Variants in DNER observed in about 807,000 individuals in gnomAD.
The protein encoded by DNER is delta/notch like EGF repeat containing, also known as delta and Notch-like epidermal growth factor-related receptor.
Under a neutral mutation model 78.2 loss-of-function variants are expected in DNER, and 33 were observed. The observed-to-expected ratio is 0.42, with a 90% CI of 0.32 to 0.56. The LOEUF is 0.56. Among genes scored for constraint, DNER ranks in the 20% least tolerant of loss-of-function variants. The pLI is 0.11. For synonymous variants in DNER, 417 were observed against 384.8 expected (o/e 1.08, Z -0.98); for missense variants, 918 against 975.3 (o/e 0.94, Z 0.78).
At chr2:229,546,507 G>A (rs914922210) in intron 5 of DNER, among the ~76,000 whole-genome samples, 9 of 152,322 alleles carry the variant, frequency 5.9e-5, no homozygotes, top group East Asian at 1.9e-4. Flanking sequence ...AGGCCAAGGC[G>A]GGGGGATGGC....
chr2:229,509,766 G>T (rs1359485221), intron 6 of DNER, among the ~76,000 whole-genome samples: 3 of 152,152 alleles, frequency 2.0e-5, no homozygotes, highest in Non-Finnish European at 2.9e-5. Context: ...AGTGAGCCGA[G>T]ATCATGCCAC....
chr2:229,684,130 GTGTGTC>G (rs1559208244), intron 1 of DNER, among the ~76,000 whole-genome samples: 1,847 of 122,238 alleles, frequency 0.015, 42 homozygotes, highest in African/African-American at 0.038. Context: ...GTGTTTGTGT[GTGTGTC>G]TGTGTATGTG....
chr2:229,641,393 T>C (rs1241269897), intron 1 of DNER, among the ~76,000 whole-genome samples: 1 of 152,148 alleles, frequency 6.6e-6, no homozygotes, highest in East Asian at 1.9e-4. Flanking sequence ...TGTGGGGATA[T>C]GACAGAGTAG....
chr2:229,390,433 C>T (rs1240499945), intron 10 of DNER, among the ~76,000 whole-genome samples: 6 of 152,246 alleles, frequency 3.9e-5, no homozygotes, highest in Non-Finnish European at 1.5e-5. Flanking sequence ...AGGCAAATGC[C>T]ACATTCAGGA....
chr2:229,370,922 T>C (rs1692466788), intron 11 of DNER, among the ~76,000 whole-genome samples: 1 of 152,122 alleles, frequency 6.6e-6, no homozygotes, highest in South Asian at 2.1e-4. Context: ...ACATGGCCAC[T>C]AAAGTGAAAA....
At chr2:229,617,925 T>C (rs1290158418) in intron 1 of DNER, among the ~76,000 whole-genome samples, 1 of 152,152 alleles carries the variant, frequency 6.6e-6, no homozygotes, top group Non-Finnish European at 1.5e-5. Flanking sequence ...GATTATATGA[T>C]TGCACTCCAA....
chr2:229,480,086 G>A (rs1695123813), intron 6 of DNER, among the ~76,000 whole-genome samples: 1 of 152,136 alleles, frequency 6.6e-6, no homozygotes, highest in African/African-American at 2.4e-5. Flanking sequence ...AAGAATGCAG[G>A]ACTCTGTGAA....
At chr2:229,628,874 T>G (rs996569071) in intron 1 of DNER, among the ~76,000 whole-genome samples, 6 of 152,236 alleles carry the variant, frequency 3.9e-5, no homozygotes, top group Non-Finnish European at 8.8e-5. Context: ...TGTCTCAGGA[T>G]CTGACCACTG....
At chr2:229,390,549 A>T (rs1291220597) in intron 10 of DNER, among the ~76,000 whole-genome samples, 1 of 152,248 alleles carries the variant, frequency 6.6e-6, no homozygotes, top group African/African-American at 2.4e-5. Context: ...CTTGGGATCC[A>T]CTAGATTGGA....
intron 5 of DNER, among the ~76,000 whole-genome samples, chr2:229,532,858 G>T (rs529553464): frequency 2.0e-5 from 3 of 152,222 alleles, no homozygotes; most frequent in Non-Finnish European, 4.4e-5. Flanking sequence ...CCTGTGGGCT[G>T]CTGGCAGAGA....
intron 5 of DNER, among the ~76,000 whole-genome samples, chr2:229,536,109 G>A (rs887503076): frequency 6.6e-6 from 1 of 152,202 alleles, no homozygotes; most frequent in African/African-American, 2.4e-5. Flanking sequence ...CCATGGTGGG[G>A]AAATGCTAAA....
At chr2:229,458,176 T>C (rs976228702) in intron 7 of DNER, among the ~76,000 whole-genome samples, 2 of 57,970 alleles carry the variant, frequency 3.5e-5, no homozygotes, top group African/African-American at 1.4e-4. Context: ...AGTAAAAGAA[T>C]AGGGAAAGAT....
At chr2:229,463,694 C>G (rs1463060867) in intron 7 of DNER, among the ~76,000 whole-genome samples, 1 of 152,172 alleles carries the variant, frequency 6.6e-6, no homozygotes, top group Non-Finnish European at 1.5e-5. Flanking sequence ...CGTGCTTTAG[C>G]CTCCCAGAGT....
In DNER at chr2:229,456,852, T is replaced by C. The variant is rs143219532; in HGVS notation, c.1262-9312A>G. ...AACCCCAGGGAGAATAAATCAAATA[T>C]ACAGGAATGTCACAGACAAGCTGCT... is the stretch of plus-strand genomic sequence containing the variant. On this transcript the variant is annotated intron_variant, in intron 7 of 12. Transcript: ENST00000341772. 4.6e-3 allele frequency among the ~76,000 whole-genome samples: 690 copies of C among 151,460 alleles called. 13 individuals are homozygous for C. The highest frequency in any genetic ancestry group is 2.4e-3 in the Non-Finnish European group (162 of 67,886).
chr2:229,578,345 G>A (rs1195812089), intron 4 of DNER, among the ~76,000 whole-genome samples: 1 of 152,098 alleles, frequency 6.6e-6, no homozygotes, highest in African/African-American at 2.4e-5. Context: ...GTAACAAAAT[G>A]GAACAGGAGG....
At chr2:229,549,392 G>A (rs377058481) in intron 4 of DNER, among the ~76,000 whole-genome samples, 1 of 152,108 alleles carries the variant, frequency 6.6e-6, no homozygotes, top group Non-Finnish European at 1.5e-5. Flanking sequence ...TGCAACCTCC[G>A]ACTCCAGGGT....
At chr2:229,511,579 G>A (rs1203716970) in intron 6 of DNER, among the ~76,000 whole-genome samples, 1 of 152,194 alleles carries the variant, frequency 6.6e-6, no homozygotes, top group Non-Finnish European at 1.5e-5. Flanking sequence ...GGAGAACAAG[G>A]TAGCAGGAAT....
chr2:229,500,388 A>G (rs1695593388), intron 6 of DNER, among the ~76,000 whole-genome samples: 1 of 152,230 alleles, frequency 6.6e-6, no homozygotes, highest in Non-Finnish European at 1.5e-5. Flanking sequence ...ACAAAAGATA[A>G]TATGTGTTGG....
intron 5 of DNER, among the ~76,000 whole-genome samples, chr2:229,529,190 T>C (rs1448386792): frequency 6.6e-6 from 1 of 151,438 alleles, no homozygotes; most frequent in Non-Finnish European, 1.5e-5. Flanking sequence ...TACCACAACA[T>C]AATATCTTTT....
Sources: gnomAD v4.1 joint callset for allele counts (sites outside exome capture counted in the v4.1 genomes callset) on GRCh38, gnomAD v4.1.1 for gene constraint, MANE v1.5 for transcripts, NCBI Gene and HGNC (gene_info 2026-07-23, HGNC 2026-07-21) for gene names.